The following SCAF8 variants were observed in gnomAD, a reference collection of about 807,000 sequenced individuals.
The protein encoded by SCAF8 is SR-related and CTD-associated factor 8.
In SCAF8, 23 loss-of-function variants were observed where a neutral mutation model predicts 140.5. That is an observed-to-expected ratio of 0.16 (90% CI 0.12 to 0.23). The LOEUF (loss-of-function observed/expected upper bound fraction) is 0.23. SCAF8 is among the 10% of genes least tolerant of loss of function. The pLI, the probability that SCAF8 is intolerant of heterozygous loss-of-function variation, is 1.00. For synonymous variants in SCAF8, 575 were observed against 528.9 expected (o/e 1.09, Z -1.20); for missense variants, 1,397 against 1,555.7 (o/e 0.90, Z 1.72).
chr6:154,794,934 A>G (rs950118828), intron 5 of SCAF8, 75 bp from the exon 6 acceptor site: 19 of 1,350,216 alleles, frequency 1.4e-5, no homozygotes, highest in Non-Finnish European at 1.9e-5. Context: ...GTAATAAAAC[A>G]AGTTATTCTG....
intron 1 of SCAF8, chr6:154,742,036 C>G (rs1778583654): frequency 6.6e-7 from 1 of 1,508,070 alleles, no homozygotes; most frequent in African/African-American, 1.4e-5. Flanking sequence ...GATGATAACC[C>G]ACATAAGGCA....
At chr6:154,766,119 T>TAG (rs1366049232) in intron 1 of SCAF8, among the ~76,000 whole-genome samples, 7 of 152,150 alleles carry the variant, frequency 4.6e-5, no homozygotes, top group African/African-American at 1.7e-4. Flanking sequence ...AAAGTATACT[T>TAG]ACTATTCATT....
chr6:154,797,093 T>C, intron 6 of SCAF8, among the ~76,000 whole-genome samples: 1 of 152,186 alleles, frequency 6.6e-6, no homozygotes, highest in East Asian at 1.9e-4. Flanking sequence ...TTACGCTACC[T>C]TTCCTGAATA....
At chr6:154,823,044 G>T (rs745986320) in intron 16 of SCAF8, among the ~76,000 whole-genome samples, 3 of 152,184 alleles carry the variant, frequency 2.0e-5, no homozygotes, top group African/African-American at 4.8e-5. Flanking sequence ...AGCACCAAGG[G>T]AGTTAACCAT....
At chr6:154,805,241 T>G (rs1044889260) in intron 8 of SCAF8, 128 bp from the exon 9 acceptor site, 8 of 565,940 alleles carry the variant, frequency 1.4e-5, no homozygotes, top group African/African-American at 1.3e-4. Flanking sequence ...GTATTAAAAT[T>G]GCAAAAGAAA....
intron 15 of SCAF8, among the ~76,000 whole-genome samples, chr6:154,820,779 A>G (rs926793296): frequency 2.6e-5 from 4 of 152,154 alleles, no homozygotes; most frequent in Non-Finnish European, 2.9e-5. Context: ...ACTTTCTGGG[A>G]TGCCTTTTAC....
intron 1 of SCAF8, among the ~76,000 whole-genome samples, chr6:154,765,505 G>A (rs1406104056): frequency 6.6e-6 from 1 of 152,132 alleles, no homozygotes; most frequent in African/African-American, 2.4e-5. Context: ...TGTATCCAAC[G>A]AAACTAGTTA....
intron 6 of SCAF8, among the ~76,000 whole-genome samples, chr6:154,797,419 G>A (rs1246575612): frequency 6.7e-6 from 1 of 150,228 alleles, no homozygotes; most frequent in African/African-American, 2.4e-5. Context: ...CTTTTGAGAC[G>A]GAGTCTCGCT....
At chr6:154,790,664 C>T (rs2114875454) in intron 4 of SCAF8, among the ~76,000 whole-genome samples, 1 of 151,908 alleles carries the variant, frequency 6.6e-6, no homozygotes, top group East Asian at 1.9e-4. Flanking sequence ...GCGCCCACCA[C>T]CACGCCTGGC....
intron 1 of SCAF8, among the ~76,000 whole-genome samples, chr6:154,736,514 C>T (rs1312467872): frequency 1.3e-5 from 2 of 151,980 alleles, no homozygotes; most frequent in African/African-American, 4.8e-5. Flanking sequence ...TCAGGTGATC[C>T]ACCCGGCTCG....
At chr6:154,764,316 T>G (rs1170785133) in intron 1 of SCAF8, among the ~76,000 whole-genome samples, 2 of 151,848 alleles carry the variant, frequency 1.3e-5, no homozygotes, top group Admixed American at 1.3e-4. Context: ...CTCTGTTGTT[T>G]AGTATATTTT....
chr6:154,805,828 G>T (rs754617903), intron 9 of SCAF8, among the ~76,000 whole-genome samples: 1 of 152,004 alleles, frequency 6.6e-6, no homozygotes. Flanking sequence ...AAAACTAAAC[G>T]TGTTTTTCTC....
chr6:154,773,940 A>T, intron 1 of SCAF8, 49 bp from the exon 2 acceptor site: 1 of 1,138,086 alleles, frequency 8.8e-7, no homozygotes, highest in Non-Finnish European at 1.3e-6. Flanking sequence ...AGTTTCATGT[A>T]ATTGCTTGGA....
intron 1 of SCAF8, among the ~76,000 whole-genome samples, chr6:154,738,780 T>C (rs981772458): frequency 1.3e-5 from 2 of 152,248 alleles, no homozygotes; most frequent in African/African-American, 4.8e-5. Context: ...TGGGACTGCA[T>C]TGATTGCTGG....
At position 154,833,576 on chromosome 6, in the gene SCAF8, T is replaced by A; in HGVS notation, c.*181T>A. 2.0e-6 allele frequency: 1 copy of A among 501,884 alleles called. No homozygotes were observed. The highest frequency in any genetic ancestry group is 3.3e-6 in the Non-Finnish European group (1 of 301,028). The allele number at this position is 501,884 out of a possible 1,614,324, so 31.1% of individuals were successfully genotyped here. ...ACTTGTATAGACATTGTTCTTAATA[T>A]GAACATGGTAGGTAAACTTTTTTTT... On this transcript the variant is annotated 3_prime_UTR_variant, in exon 20 of 20. Coordinates refer to ENST00000367178, the MANE Select transcript of SCAF8 (RefSeq NM_014892.5).
chr6:154,808,231 A>C, intron 10 of SCAF8, 30 bp downstream of exon 10: 1 of 1,598,674 alleles, frequency 6.3e-7, no homozygotes. Flanking sequence ...TGGGTCATAA[A>C]TTTCTAAAAG....
chr6:154,804,242 A>G (rs1057293131), intron 8 of SCAF8, among the ~76,000 whole-genome samples: 4 of 152,156 alleles, frequency 2.6e-5, no homozygotes, highest in Non-Finnish European at 5.9e-5. Flanking sequence ...TTTCAAACAG[A>G]AGTTATTAGT....
rs751448434 is a variant in SCAF8 at position 154,822,354 on chromosome 6, A to T, written c.1871A>T (p.Glu624Val). 6.2e-7 allele frequency: 1 copy of T among 1,613,838 alleles called. No individual in the cohort carries two copies. The highest frequency in any genetic ancestry group is 8.5e-7 in the Non-Finnish European group (1 of 1,179,778). ...TTQSPTPVEKETVVTTQAEVF... is the reference protein window; with the variant it reads ...TTQSPTPVEKVTVVTTQAEVF... ...CAGAGCCCAACTCCAGTTGAAAAGG[A>T]GACAGTGGTCACAACCCAGGCAGAG... Residue 624 changes from glutamate to valine, a missense_variant, in exon 16 of 20, where the codon GAG (glutamate) becomes GTG (valine). This residue lies in a region of SCAF8 where 930 missense variants were observed against 874.6 expected (regional missense o/e 1.06). Coordinates refer to ENST00000367178, the MANE Select transcript of SCAF8 (RefSeq NM_014892.5).
intron 15 of SCAF8, among the ~76,000 whole-genome samples, chr6:154,821,278 G>T (rs1225821898): frequency 6.9e-6 from 1 of 144,544 alleles, no homozygotes; most frequent in African/African-American, 2.5e-5. Context: ...TTTTCTGTTG[G>T]TAGCCTGTTC....
Sources: allele counts gnomAD v4.1 joint callset (sites outside exome capture counted in the v4.1 genomes callset), GRCh38; gene constraint gnomAD v4.1.1; regional missense constraint gnomAD v4.1.1; transcripts MANE v1.5; gene names NCBI Gene and HGNC (gene_info 2026-07-23, HGNC 2026-07-21).